CDH13: variants seen among roughly 807,000 people sequenced by gnomAD.
The protein encoded by CDH13 is cadherin-13.
A neutral mutation model predicts 63.8 loss-of-function variants in CDH13; 24 were observed. That is an observed-to-expected ratio of 0.38 (90% CI 0.27 to 0.53). The LOEUF (loss-of-function observed/expected upper bound fraction) is 0.53. CDH13 is among the 20% of genes least tolerant of loss of function. The pLI is 0.85. For missense variants in CDH13, 1,049 were observed against 903.1 expected (o/e 1.16, Z -2.07); for synonymous variants, 503 against 355.3 (o/e 1.42, Z -4.67).
chr16:83,126,231 C>A (rs1555597653), intron 4 of CDH13, among the ~76,000 whole-genome samples: 1 of 152,172 alleles, frequency 6.6e-6, no homozygotes, highest in Non-Finnish European at 1.5e-5. Flanking sequence ...GCTGCTTGTA[C>A]TTCTGGCCAC....
At chr16:83,231,213 G>A (rs1454092435) in intron 5 of CDH13, among the ~76,000 whole-genome samples, 1 of 152,178 alleles carries the variant, frequency 6.6e-6, no homozygotes, top group Non-Finnish European at 1.5e-5. Flanking sequence ...TCTTCTCTAT[G>A]AAGAATTCAG....
At position 83,723,794 on chromosome 16, in the gene CDH13, G is replaced by A. The variant is rs891810316; in HGVS notation, c.1539-24314G>A. ...TCATATATGCAGAGTAAAGAAGAAT[G>A]TCTGACATATAATAGCTACACAATA... On this transcript the variant is annotated intron_variant, in intron 10 of 13. Transcript: ENST00000567109. Among the ~76,000 whole-genome samples the A allele has an allele frequency of 4.0e-5, 6 of 149,766 alleles. No homozygotes were observed. In the East Asian group the frequency reaches 9.6e-4, roughly 24 times the overall value.
chr16:83,667,147 GGCAGGTAAATGCCGTTGTGGACCCATC>G (rs1283257453), intron 8 of CDH13, among the ~76,000 whole-genome samples: 1 of 152,014 alleles, frequency 6.6e-6, no homozygotes, highest in Non-Finnish European at 1.5e-5. Context: ...ATAGATGGAT[GGCAGGTAAATGCCGTTGTGGACCCATC>G]CAAGGACATA....
At chr16:83,263,336 T>A (rs971164153) in intron 5 of CDH13, among the ~76,000 whole-genome samples, 7 of 152,234 alleles carry the variant, frequency 4.6e-5, no homozygotes, top group African/African-American at 1.7e-4. Context: ...TCAGTGAATA[T>A]ATAACAGCGA....
At chr16:82,756,390 C>A (rs1305530073) in intron 1 of CDH13, among the ~76,000 whole-genome samples, 1 of 152,036 alleles carries the variant, frequency 6.6e-6, no homozygotes, top group African/African-American at 2.4e-5. Flanking sequence ...TAATAGCCAC[C>A]ATTTGTGGAT....
At chr16:82,933,518 C>G (rs2042566452) in intron 2 of CDH13, among the ~76,000 whole-genome samples, 1 of 152,170 alleles carries the variant, frequency 6.6e-6, no homozygotes, top group African/African-American at 2.4e-5. Flanking sequence ...ACTTGCCCCT[C>G]TCAAATCTCA....
At chr16:82,666,207 G>C (rs1014319950) in intron 1 of CDH13, among the ~76,000 whole-genome samples, 15 of 152,282 alleles carry the variant, frequency 9.9e-5, no homozygotes, top group African/African-American at 3.6e-4. Context: ...ATCCTTAGGT[G>C]TTTATTCATC....
intron 5 of CDH13, among the ~76,000 whole-genome samples, chr16:83,221,680 G>T (rs1257628952): frequency 2.2e-4 from 34 of 151,732 alleles, no homozygotes. Flanking sequence ...GTTGGGATGG[G>T]CTCTGCAGGA....
intron 1 of CDH13, among the ~76,000 whole-genome samples, chr16:82,691,215 T>G (rs186969269): frequency 7.2e-5 from 11 of 152,262 alleles, no homozygotes; most frequent in Admixed American, 3.9e-4. Flanking sequence ...ACCAAAGTGT[T>G]TGTTAGTTAG....
chr16:83,570,752 A>T (rs1433197815), intron 7 of CDH13, among the ~76,000 whole-genome samples: 1 of 143,908 alleles, frequency 6.9e-6, no homozygotes, highest in Non-Finnish European at 1.5e-5. Flanking sequence ...TTTTATAAAA[A>T]TTATATATTT....
intron 10 of CDH13, among the ~76,000 whole-genome samples, chr16:83,747,169 C>T (rs994602500): frequency 4.6e-5 from 7 of 152,200 alleles, no homozygotes; most frequent in South Asian, 2.1e-4. Context: ...TTCTTGCCCT[C>T]GCGTAACCTA....
chr16:82,886,879 A>C (rs1001106413), intron 2 of CDH13, among the ~76,000 whole-genome samples: 1 of 152,062 alleles, frequency 6.6e-6, no homozygotes, highest in Non-Finnish European at 1.5e-5. Context: ...TTGTCCTTCT[A>C]AGTCATATTC....
At chr16:83,678,736 C>A (rs1415171467) in intron 10 of CDH13, among the ~76,000 whole-genome samples, 1 of 152,188 alleles carries the variant, frequency 6.6e-6, no homozygotes, top group East Asian at 1.9e-4. Context: ...TCTGCTGGCC[C>A]TGAGCACAGT....
At chr16:83,413,203 G>A (rs1241051619) in intron 6 of CDH13, among the ~76,000 whole-genome samples, 1 of 152,166 alleles carries the variant, frequency 6.6e-6, no homozygotes, top group Non-Finnish European at 1.5e-5. Flanking sequence ...TTTCTGTTTT[G>A]TCTAAAATTA....
At chr16:83,352,555 C>A (rs1172598275) in intron 6 of CDH13, among the ~76,000 whole-genome samples, 1 of 152,176 alleles carries the variant, frequency 6.6e-6, no homozygotes, top group Non-Finnish European at 1.5e-5. Context: ...CCACACCATA[C>A]ATACATACAC....
At chr16:82,943,266 T>C (rs1439100865) in intron 2 of CDH13, among the ~76,000 whole-genome samples, 1 of 152,208 alleles carries the variant, frequency 6.6e-6, no homozygotes, top group Non-Finnish European at 1.5e-5. Flanking sequence ...TTTTTCCATA[T>C]TTATGTGTTA....
intron 4 of CDH13, among the ~76,000 whole-genome samples, chr16:83,191,294 C>T (rs1174846471): frequency 6.8e-6 from 1 of 146,310 alleles, no homozygotes; most frequent in South Asian, 2.3e-4. Context: ...TCTAGGCCAC[C>T]TCTACTGCAT....
At chr16:82,771,686 T>C (rs2035271847) in intron 1 of CDH13, among the ~76,000 whole-genome samples, 1 of 152,172 alleles carries the variant, frequency 6.6e-6, no homozygotes, top group Non-Finnish European at 1.5e-5. Flanking sequence ...TGCCTTAAGT[T>C]TGCTTCCCCA....
At position 83,266,556 on chromosome 16, in the gene CDH13, A is replaced by C. The variant is rs945095499; in HGVS notation, c.636+49059A>C. Among the ~76,000 whole-genome samples the C allele has an allele frequency of 7.2e-5, 11 of 152,338 alleles. No homozygotes were observed. The East Asian group carries it at 2.1e-3, about 29-fold the overall frequency. ...AACCCACTCCCACTGTAACTAACAC[A>C]GATAAAGTCTTCTGCTGGCATCATC... On this transcript the variant is annotated intron_variant, in intron 5 of 13. Coordinates refer to ENST00000567109, the MANE Select transcript of CDH13 (RefSeq NM_001257.5).
Sources: gnomAD v4.1 joint callset for allele counts (sites outside exome capture counted in the v4.1 genomes callset) on GRCh38, gnomAD v4.1.1 for gene constraint, MANE v1.5 for transcripts, NCBI Gene and HGNC (gene_info 2026-07-23, HGNC 2026-07-21) for gene names.